The following SLC14A2 variants were observed in gnomAD, a reference collection of about 807,000 sequenced individuals.
SLC14A2 encodes the protein urea transporter 2.
In SLC14A2, 91 loss-of-function variants were observed where a neutral mutation model predicts 104.6. The ratio of observed to expected loss-of-function variants is 0.87; its 90% CI spans 0.73 to 1.04. SLC14A2 has a LOEUF of 1.04. Among genes scored for constraint, SLC14A2 ranks in the 50% least tolerant of loss-of-function variants. The pLI is 0.00. For missense variants in SLC14A2, 1,189 were observed against 1,156.0 expected, an observed-to-expected ratio of 1.03 and a Z score of -0.41; for synonymous variants, 476 against 466.4, an observed-to-expected ratio of 1.02 and a Z score of -0.27.
chr18:45,548,356 G>GA (rs1375964662), intron 2 of SLC14A2, among the ~76,000 whole-genome samples: 3 of 152,074 alleles, frequency 2.0e-5, no homozygotes, highest in Admixed American at 6.6e-5. Flanking sequence ...TGGACCACAG[G>GA]AAAAAAATGA....
chr18:45,364,859 T>G (rs1239493520), intron 1 of SLC14A2, among the ~76,000 whole-genome samples: 1 of 152,192 alleles, frequency 6.6e-6, no homozygotes, highest in Non-Finnish European at 1.5e-5. Context: ...CCAGCAAACT[T>G]TTATTAAAAA....
intron 1 of SLC14A2, among the ~76,000 whole-genome samples, chr18:45,620,586 A>C (rs1038770262): frequency 6.6e-6 from 1 of 152,176 alleles, no homozygotes; most frequent in Non-Finnish European, 1.5e-5. Flanking sequence ...GGGTGGTATA[A>C]ATGCAGAAAT....
intron 1 of SLC14A2, among the ~76,000 whole-genome samples, chr18:45,474,177 C>T (rs1555693433): frequency 2.6e-5 from 4 of 152,084 alleles, no homozygotes; most frequent in Admixed American, 2.0e-4. Context: ...TGATGGATTA[C>T]GTTTATTGAT....
At chr18:45,623,215 C>A (rs769721096) in intron 1 of SLC14A2, among the ~76,000 whole-genome samples, 2 of 152,146 alleles carry the variant, frequency 1.3e-5, no homozygotes, top group Non-Finnish European at 1.5e-5. Flanking sequence ...TTGAGATTTC[C>A]AGTGTGTGTG....
chr18:45,562,215 C>T (rs2144313029), intron 2 of SLC14A2, among the ~76,000 whole-genome samples: 1 of 152,334 alleles, frequency 6.6e-6, no homozygotes, highest in East Asian at 1.9e-4. Context: ...AGCTTACAGT[C>T]TAGCAGAACA....
rs375699303 is a variant in SLC14A2 at position 45,626,965 on chromosome 18, C to T, written c.339C>T (p.His113=). 9.3e-5 allele frequency: 149 copies of T among 1,610,082 alleles called. No individual in the cohort carries two copies. Among genetic ancestry groups the T allele is most frequent in the Non-Finnish European group, 1.2e-4 (139 of 1,178,334 alleles). The change falls in exon 4 of 20, where the codon CAC becomes CAT. Residue 113 remains histidine (H), a synonymous_variant. Transcript: ENST00000255226. ...KEYRIWLKDK[H]LALQFIDWVL... ...GCTCTCTGTCTCTTTCAGACAAGCA[C>T]CTTGCCCTCCAGTTCATAGACTGGG...
At chr18:45,574,198 A>C (rs1399275680) in intron 2 of SLC14A2, among the ~76,000 whole-genome samples, 2 of 152,194 alleles carry the variant, frequency 1.3e-5, no homozygotes, top group Non-Finnish European at 2.9e-5. Flanking sequence ...GTGTATGTGC[A>C]CCTATATGCA....
chr18:45,220,555 C>T (rs1333541482), intron 1 of SLC14A2, among the ~76,000 whole-genome samples: 2 of 98,958 alleles, frequency 2.0e-5, no homozygotes, highest in African/African-American at 1.0e-4. Flanking sequence ...GTGAACCTGT[C>T]TGTCTTTCTG....
chr18:45,495,672 A>G (rs536707354), intron 2 of SLC14A2, among the ~76,000 whole-genome samples: 28 of 152,274 alleles, frequency 1.8e-4, no homozygotes, highest in East Asian at 7.7e-4. Flanking sequence ...GGACCTCTCT[A>G]TGACACCCTG....
intron 10 of SLC14A2, among the ~76,000 whole-genome samples, chr18:45,648,284 C>T (rs2144578271): frequency 6.9e-6 from 1 of 145,640 alleles, no homozygotes. Context: ...GGGCTCACTG[C>T]AAGCTCCGCC....
chr18:45,559,494 A>AAATACCATC, intron 2 of SLC14A2, among the ~76,000 whole-genome samples: 1 of 152,318 alleles, frequency 6.6e-6, no homozygotes, highest in East Asian at 1.9e-4. Context: ...AGATCACCAG[A>AAATACCATC]AATACCATCT....
At chr18:45,267,939 A>C (rs1484730139) in intron 1 of SLC14A2, among the ~76,000 whole-genome samples, 1 of 152,142 alleles carries the variant, frequency 6.6e-6, no homozygotes, top group African/African-American at 2.4e-5. Context: ...GTGTTCTTTC[A>C]TCTCAAATCC....
At chr18:45,195,906 AT>A in the SLC14A2 span, among the ~76,000 whole-genome samples, 1 of 152,328 alleles carries the variant, frequency 6.6e-6, no homozygotes, top group East Asian at 1.9e-4. Flanking sequence ...ACAGAGTTTA[AT>A]TGAGCAAAGA....
chr18:45,225,598 A>C (rs1363578237), intron 1 of SLC14A2, among the ~76,000 whole-genome samples: 2 of 152,076 alleles, frequency 1.3e-5, no homozygotes, highest in Admixed American at 6.5e-5. Flanking sequence ...GGCCATTCTC[A>C]TGATATTGAT....
At chr18:45,665,688 CTT>C (rs146248418) in intron 11 of SLC14A2, among the ~76,000 whole-genome samples, 10 of 79,300 alleles carry the variant, frequency 1.3e-4, no homozygotes, top group African/African-American at 3.9e-4. Context: ...AACCAAGTTT[CTT>C]TTTTTTTTTT....
At chr18:45,407,273 C>A (rs1191451142) in intron 1 of SLC14A2, among the ~76,000 whole-genome samples, 1 of 152,210 alleles carries the variant, frequency 6.6e-6, no homozygotes, top group Non-Finnish European at 1.5e-5. Flanking sequence ...ACTATGGAGA[C>A]AGTTTTTCTT....
intron 1 of SLC14A2, among the ~76,000 whole-genome samples, chr18:45,304,071 T>C (rs2084993782): frequency 6.6e-6 from 1 of 152,206 alleles, no homozygotes; most frequent in Non-Finnish European, 1.5e-5. Flanking sequence ...AGAAGCTTAA[T>C]GATGTAGAGC....
chr18:45,183,653 C>CTT, the SLC14A2 span, among the ~76,000 whole-genome samples: 421 of 149,848 alleles, frequency 2.8e-3, 4 homozygotes, highest in African/African-American at 9.7e-3. Flanking sequence ...CCTTTTCTTT[C>CTT]TTTTTCTTTT....
intron 1 of SLC14A2, among the ~76,000 whole-genome samples, chr18:45,371,524 A>G (rs1428340583): frequency 6.6e-6 from 1 of 152,242 alleles, no homozygotes; most frequent in East Asian, 1.9e-4. Flanking sequence ...CCTTTTGCAG[A>G]GGAATAAACT....
Sources: allele counts gnomAD v4.1 joint callset (sites outside exome capture counted in the v4.1 genomes callset), GRCh38; gene constraint gnomAD v4.1.1; transcripts MANE v1.5; gene names NCBI Gene and HGNC (gene_info 2026-07-23, HGNC 2026-07-21).